The following DEDD variants were observed in gnomAD, a reference collection of about 807,000 sequenced individuals.
DEDD encodes the protein death effector domain containing.
A neutral mutation model predicts 29.2 loss-of-function variants in DEDD; 3 were observed. That is an observed-to-expected ratio of 0.10 (90% CI 0.05 to 0.27). The LOEUF is 0.27. DEDD is among the 10% of genes least tolerant of loss of function. The pLI is 1.00. For missense variants in DEDD, 261 were observed against 420.5 expected (o/e 0.62, Z 3.32); for synonymous variants, 152 against 161.3 (o/e 0.94, Z 0.44).
Position 161,122,877 on chromosome 1 carries a change from A to G in DEDD, c.580+198T>C, listed in dbSNP as rs1655677352. The G allele has an allele frequency of 3.1e-6, 3 of 979,352 alleles. No individual in the cohort carries two copies. The highest frequency in any genetic ancestry group is 1.6e-5 in the African/African-American group (1 of 62,180). 60.7% of individuals were successfully genotyped at this position (979,352 alleles called of 1,614,324 possible). A position where few individuals can be genotyped will look rare whatever the true frequency, so the allele number is the denominator to read the frequency against. ...ACAACATCCCTGTGATGTAGTATTA[A>G]CTAACAAGAGTTGAAATGTACCCTG... On this transcript the variant is annotated intron_variant, in intron 5 of 5. Coordinates refer to ENST00000368006, the MANE Select transcript of DEDD (RefSeq NM_032998.3). The surrounding 1 kb of genome is among the most constrained non-coding windows in gnomAD (Gnocchi z 4.2).
intron 2 of DEDD, among the ~76,000 whole-genome samples, chr1:161,126,498 C>G (rs1221987751): frequency 1.3e-5 from 2 of 152,046 alleles, no homozygotes; most frequent in African/African-American, 4.8e-5. Flanking sequence ...CACCCACCAC[C>G]ACGCCCAGCT....
rs748440694 is a variant in DEDD at position 161,124,387 on chromosome 1, G to A, written c.76C>T (p.Leu26=). 9 of 1,613,982 alleles carry A rather than the reference G, an allele frequency of 5.6e-6. No homozygotes were observed. The African/African-American group carries it at 1.1e-4, about 19-fold the overall frequency. The change falls in exon 3 of 6, where the codon CTG becomes TTG. Residue 26 remains leucine, a synonymous_variant. Coordinates refer to ENST00000368006, the MANE Select transcript of DEDD (RefSeq NM_032998.3). ...HGEQEHGLYS[L]HRMFDIVGTH... ...CCCACGATGTCAAACATGCGGTGCA[G>A]GCTGTACAGCCCATGTTCCTGCTCA...
chr1:161,128,240 A>G (rs1041068710), intron 2 of DEDD, among the ~76,000 whole-genome samples: 9 of 152,170 alleles, frequency 5.9e-5, no homozygotes, highest in Admixed American at 1.3e-4. Flanking sequence ...GACATTTCTG[A>G]TTATTATGCC....
Position 161,121,927 on chromosome 1 carries a change from C to CG in DEDD, c.*219dup, listed in dbSNP as rs2101732977. ...GTAAGGTAGCTGTAGAGACACATTACGGGGTAAATGGAAAAGGGAAATAAA... is the reference window on the plus strand; with the variant it reads ...GTAAGGTAGCTGTAGAGACACATTACGGGGGTAAATGGAAAAGGGAAATAAA... On this transcript the variant is annotated 3_prime_UTR_variant, in exon 6 of 6. Transcript: ENST00000368006. The CG allele has an allele frequency of 1.8e-6, 1 of 560,292 alleles. No homozygotes were observed. Among genetic ancestry groups the CG allele is most frequent in the African/African-American group, 1.9e-5 (1 of 52,612 alleles). The allele number at this position is 560,292 out of a possible 1,614,324, so 34.7% of individuals were successfully genotyped here. A position where few individuals can be genotyped will look rare whatever the true frequency, so the allele number is the denominator to read the frequency against.
Position 161,122,351 on chromosome 1 carries a change from A to C in DEDD, c.753T>G (p.Ser251=). The stretch of plus-strand genomic sequence containing the variant: ...AGAATGCATCGAGGTAGGTGAGCTC[A>C]GAGAACTTGATGTCACAGATGATGG... The part of the protein sequence containing the change: ...LGSIICDIKF[S]ELTYLDAFWR... Residue 251 remains serine (S), a synonymous_variant, in exon 6 of 6, where the codon TCT becomes TCG. Transcript: ENST00000368006. The surrounding 1 kb of genome is among the most constrained non-coding windows in gnomAD (Gnocchi z 4.2). 1 of 1,614,252 alleles carries C rather than the reference A, an allele frequency of 6.2e-7. No individual in the cohort carries two copies. The highest frequency in any genetic ancestry group is 8.5e-7 in the Non-Finnish European group (1 of 1,180,044).
In DEDD at chr1:161,122,777, A is replaced by G. The variant is rs904951876; in HGVS notation, c.581-254T>C. The stretch of plus-strand genomic sequence containing the variant: ...ACAGGTAGCAACTTGTTTATAGGAG[A>G]TATTTTCCTAATTACCAGGCATAGA... On this transcript the variant is annotated intron_variant, in intron 5 of 5. Transcript: ENST00000368006. The surrounding 1 kb of genome is among the most constrained non-coding windows in gnomAD (Gnocchi z 4.2). Among the ~76,000 whole-genome samples, 1 of 152,144 alleles carries G rather than the reference A, an allele frequency of 6.6e-6. No homozygotes were observed. Among genetic ancestry groups the G allele is most frequent in the African/African-American group, 2.4e-5 (1 of 41,428 alleles).
Position 161,124,479 on chromosome 1 carries a change from C to A in DEDD, c.-17G>T. The stretch of plus-strand genomic sequence containing the variant: ...GCCCGCCATGCTGGGGGCTCAGGTA[C>A]GCAATGCTTTCCAGAATCCCTGCTC... On this transcript the variant is annotated 5_prime_UTR_variant, in exon 3 of 6. Transcript: ENST00000368006. 3.2e-6 allele frequency: 5 copies of A among 1,587,152 alleles called. No individual in the cohort carries two copies. The highest frequency in any genetic ancestry group is 3.4e-6 in the Non-Finnish European group (4 of 1,162,362).
intron 2 of DEDD, chr1:161,124,727 C>A: frequency 3.5e-6 from 2 of 563,734 alleles, no homozygotes; most frequent in Non-Finnish European, 5.3e-6. Context: ...TTTGGGAGGC[C>A]AAGGCAGGAG....
At chr1:161,124,058 C>T in intron 3 of DEDD, 80 bp downstream of exon 3, 1 of 1,578,044 alleles carries the variant, frequency 6.3e-7, no homozygotes, top group Middle Eastern at 1.7e-4. Context: ...ATCAATGTGT[C>T]CTCCCCTTTG....
At chr1:161,129,474 G>C (rs1241046229) in intron 2 of DEDD, among the ~76,000 whole-genome samples, 2 of 150,536 alleles carry the variant, frequency 1.3e-5, no homozygotes, top group Non-Finnish European at 2.9e-5. Context: ...GGACATACCT[G>C]TGGTCCCAGC....
chr1:161,124,561 A>G, intron 2 of DEDD, 35 bp from the exon 3 acceptor site: 10 of 1,506,156 alleles, frequency 6.6e-6, no homozygotes, highest in Non-Finnish European at 8.9e-6. Flanking sequence ...TGAGACACTC[A>G]AGGGCAGGAA....
chr1:161,130,324 G>A (rs1656562788), intron 2 of DEDD, among the ~76,000 whole-genome samples: 1 of 152,182 alleles, frequency 6.6e-6, no homozygotes, highest in South Asian at 2.1e-4. Flanking sequence ...ATGGTTAAGA[G>A]TACATTCTTG....
chr1:161,123,888 G>T lies in DEDD; in HGVS notation c.384C>A (p.Pro128=). The T allele has an allele frequency of 6.2e-7, 1 of 1,614,080 alleles. No individual in the cohort carries two copies. Among genetic ancestry groups the T allele is most frequent in the Non-Finnish European group, 8.5e-7 (1 of 1,180,010 alleles). ...LEETSIRYVT[P]RALSDPEPRP... is the part of the protein sequence containing the mutation. ...TTGGTTCTGGATCACTGAGGGCTCT[G>T]GGGGTCACATAGCGAATTGATGTCT... The change falls in exon 4 of 6, where the codon CCC becomes CCA. Residue 128 remains proline (P), a synonymous_variant. Coordinates refer to ENST00000368006, the MANE Select transcript of DEDD (RefSeq NM_032998.3).
At chr1:161,124,697 C>G in intron 2 of DEDD, 171 bp from the exon 3 acceptor site, 1 of 855,964 alleles carries the variant, frequency 1.2e-6, no homozygotes, top group Non-Finnish European at 1.6e-6. Flanking sequence ...CACAGGGGCT[C>G]ACACCTGTAA....
intron 2 of DEDD, chr1:161,125,175 A>G (rs549040611): frequency 1.6e-4 from 25 of 152,356 alleles, no homozygotes; most frequent in African/African-American, 5.5e-4. Flanking sequence ...ACTTAACTCC[A>G]GATTCTCAGT....
chr1:161,121,020 T>C lies in DEDD; in HGVS notation c.*1127A>G. On this transcript the variant is annotated 3_prime_UTR_variant, in exon 6 of 6. Transcript: ENST00000368006. Reference sequence around the variant, plus strand: ...TATTTCATGGAAACTGAAGTTCTGCTGAGGGCTGAGCAGCACTGGCATTGA... The same window carrying C: ...TATTTCATGGAAACTGAAGTTCTGCCGAGGGCTGAGCAGCACTGGCATTGA... The C allele has an allele frequency of 7.3e-7, 1 of 1,371,414 alleles. No individual in the cohort carries two copies. The highest frequency in any genetic ancestry group is 9.4e-7 in the Non-Finnish European group (1 of 1,061,666). The allele number at this position is 1,371,414 out of a possible 1,614,324, so 85.0% of individuals were successfully genotyped here. A position where few individuals can be genotyped will look rare whatever the true frequency, so the allele number is the denominator to read the frequency against.
chr1:161,123,272 T>C (rs766710268), intron 4 of DEDD, 51 bp from the exon 5 acceptor site: 1 of 1,519,798 alleles, frequency 6.6e-7, no homozygotes, highest in South Asian at 1.1e-5. Flanking sequence ...AGGCAGAAAT[T>C]CAAACACTTC....
chr1:161,123,467 G>A (rs1056512957), intron 4 of DEDD, among the ~76,000 whole-genome samples: 1 of 151,948 alleles, frequency 6.6e-6, no homozygotes, highest in Non-Finnish European at 1.5e-5. Flanking sequence ...GTGAAACCCC[G>A]TCTCTAAAAA....
rs34197267 is a variant in DEDD, at chr1:161,122,024, TA to T, written c.*122del. 154,889 of 1,041,084 alleles carry T rather than the reference TA, an allele frequency of 0.15. 1 individual carries two copies. Among genetic ancestry groups the T allele is most frequent in the South Asian group, 0.17 (8,464 of 50,220 alleles). The allele number at this position is 1,041,084 out of a possible 1,614,324, so 64.5% of individuals were successfully genotyped here. ...TTCCACTTTCTTTTGTCTTTTTCTT[TA>T]AAAAAAAAAAAAAAAAGGCAGGGGT... On this transcript the variant is annotated 3_prime_UTR_variant, in exon 6 of 6. Coordinates refer to ENST00000368006, the MANE Select transcript of DEDD (RefSeq NM_032998.3). This position sits in a 1 kb window ranked among gnomAD's most constrained non-coding sequence, Gnocchi z 4.2.
Sources: gnomAD v4.1 joint callset for allele counts (sites outside exome capture counted in the v4.1 genomes callset) on GRCh38, gnomAD v4.1.1 for gene constraint, Gnocchi (gnomAD v3.1) non-coding constraint, MANE v1.5 for transcripts, NCBI Gene and HGNC (gene_info 2026-07-23, HGNC 2026-07-21) for gene names.